Variants in ELAVL2 observed in about 807,000 individuals in gnomAD.
The protein encoded by ELAVL2 is ELAV like RNA binding protein 2, also known as ELAV-like protein 2.
ELAVL2 carries 4 observed loss-of-function variants against 34.6 expected under a neutral mutation model. That is an observed-to-expected ratio of 0.12 (90% CI 0.06 to 0.26). The LOEUF (loss-of-function observed/expected upper bound fraction) is 0.26, where lower values mean the gene tolerates loss of function less well. ELAVL2 is among the 10% of genes least tolerant of loss of function. ELAVL2 has a pLI of 1.00. For missense variants in ELAVL2, 432 were observed against 442.8 expected, an observed-to-expected ratio of 0.98 and a Z score of 0.22; for synonymous variants, 193 against 154.8, an observed-to-expected ratio of 1.25 and a Z score of -1.83.
At chr9:23,742,840 T>C (rs2049589745) in intron 2 of ELAVL2, among the ~76,000 whole-genome samples, 2 of 152,118 alleles carry the variant, frequency 1.3e-5, no homozygotes, top group African/African-American at 4.8e-5. Context: ...ATCAAGAGGG[T>C]AGGAGGAACA....
intron 1 of ELAVL2, among the ~76,000 whole-genome samples, chr9:23,802,939 T>C (rs544130081): frequency 1.3e-5 from 2 of 152,114 alleles, no homozygotes; most frequent in South Asian, 2.1e-4. Flanking sequence ...TAATTTCTTA[T>C]ACAGTAAATA....
intron 2 of ELAVL2, among the ~76,000 whole-genome samples, chr9:23,748,746 G>A (rs1284531342): frequency 6.6e-6 from 1 of 152,118 alleles, no homozygotes; most frequent in African/African-American, 2.4e-5. Context: ...ACTTATTTCA[G>A]GGGGAGGGGT....
chr9:23,700,970 T>C (rs1587315472), intron 5 of ELAVL2, among the ~76,000 whole-genome samples: 2 of 152,288 alleles, frequency 1.3e-5, no homozygotes, highest in Non-Finnish European at 2.9e-5. Context: ...ACAGCATTAT[T>C]GGTGCTTTGG....
chr9:23,795,676 G>C (rs958409782), intron 1 of ELAVL2, among the ~76,000 whole-genome samples: 1 of 152,140 alleles, frequency 6.6e-6, no homozygotes, highest in Admixed American at 6.5e-5. Context: ...CTCTTACAGA[G>C]AAGAAATTTT....
At chr9:23,707,667 T>A (rs1266833826) in intron 3 of ELAVL2, among the ~76,000 whole-genome samples, 3 of 152,226 alleles carry the variant, frequency 2.0e-5, no homozygotes, top group Admixed American at 2.0e-4. Flanking sequence ...CATAACCAGT[T>A]CTGTGAACTT....
intron 1 of ELAVL2, among the ~76,000 whole-genome samples, chr9:23,825,175 C>G (rs963220431): frequency 6.6e-6 from 1 of 152,146 alleles, no homozygotes; most frequent in Non-Finnish European, 1.5e-5. Flanking sequence ...AATCAGAGCC[C>G]GCATACAATG....
chr9:23,806,244 G>A (rs567357171), intron 1 of ELAVL2, among the ~76,000 whole-genome samples: 72 of 151,608 alleles, frequency 4.7e-4, no homozygotes, highest in African/African-American at 1.5e-3. Context: ...TACCAAGGCC[G>A]AATACACAAT....
rs55963823 is a variant in ELAVL2, at chr9:23,707,520, C to T, written c.334-2449G>A. ...GGCATCTACACATTCTCCAAGGAGGCTAACTTCCAATGACTGATCAAGCAA... is the reference window on the plus strand; with the variant it reads ...GGCATCTACACATTCTCCAAGGAGGTTAACTTCCAATGACTGATCAAGCAA... On this transcript the variant is annotated intron_variant, in intron 3 of 6. Transcript: ENST00000397312. 4.0e-3 allele frequency among the ~76,000 whole-genome samples: 613 copies of T among 152,218 alleles called. 8 individuals carry two copies. The highest frequency in any genetic ancestry group is 0.013 in the African/African-American group (547 of 41,538).
intron 4 of ELAVL2, 63 bp from the exon 5 acceptor site, chr9:23,701,667 G>T: frequency 2.0e-6 from 3 of 1,517,202 alleles, no homozygotes; most frequent in Non-Finnish European, 2.7e-6. Context: ...AAGGAGAGAA[G>T]AAAGGACACA....
At chr9:23,819,933 C>T (rs573016632) in intron 1 of ELAVL2, among the ~76,000 whole-genome samples, 9 of 152,292 alleles carry the variant, frequency 5.9e-5, no homozygotes, top group Admixed American at 3.3e-4. Flanking sequence ...AGTGTTGTTA[C>T]CTTAGCATCC....
rs2135779511 is a variant in ELAVL2, at chr9:23,756,054, T to C, written c.229+5952A>G. ...TCTAATAAAATACCACTTATCTGTT[T>C]CAATCCTGAGGAGCTAAGATTGTAT... On this transcript the variant is annotated intron_variant, in intron 2 of 6. Transcript: ENST00000397312. Among the ~76,000 whole-genome samples, 2 of 152,270 alleles carry C rather than the reference T, an allele frequency of 1.3e-5. 1 individual carries two copies. Among genetic ancestry groups the C allele is most frequent in the Middle Eastern group, 6.8e-3 (2 of 294 alleles).
intron 1 of ELAVL2, among the ~76,000 whole-genome samples, chr9:23,788,753 G>T (rs750528664): frequency 6.6e-6 from 1 of 152,166 alleles, no homozygotes; most frequent in Non-Finnish European, 1.5e-5. Context: ...CACGAGCAGT[G>T]CAATACCTCG....
the ELAVL2 span, among the ~76,000 whole-genome samples, chr9:23,850,519 T>A: frequency 6.6e-6 from 1 of 151,608 alleles, no homozygotes; most frequent in Non-Finnish European, 1.5e-5. Flanking sequence ...TAGCCCCGGC[T>A]GGGTGCACCT....
intron 1 of ELAVL2, among the ~76,000 whole-genome samples, chr9:23,785,464 C>G (rs1456576521): frequency 1.3e-5 from 2 of 152,182 alleles, no homozygotes; most frequent in Non-Finnish European, 2.9e-5. Flanking sequence ...GTTATCACAG[C>G]TGCACCTACA....
At chr9:23,735,863 G>A (rs1287027699) in intron 2 of ELAVL2, among the ~76,000 whole-genome samples, 2 of 152,136 alleles carry the variant, frequency 1.3e-5, no homozygotes, top group Non-Finnish European at 2.9e-5. Flanking sequence ...AAAGACTACT[G>A]AGAGCAGGGT....
intron 1 of ELAVL2, among the ~76,000 whole-genome samples, chr9:23,777,490 A>G (rs1189675166): frequency 6.6e-6 from 1 of 152,168 alleles, no homozygotes; most frequent in Non-Finnish European, 1.5e-5. Context: ...GCCCCACCCA[A>G]GCATGCTTTT....
intron 1 of ELAVL2, among the ~76,000 whole-genome samples, chr9:23,766,666 A>G (rs1224641503): frequency 1.3e-5 from 2 of 152,004 alleles, no homozygotes; most frequent in Non-Finnish European, 2.9e-5. Flanking sequence ...TTTACATTTC[A>G]AGCACCCCAG....
At chr9:23,744,287 T>C (rs1479577951) in intron 2 of ELAVL2, among the ~76,000 whole-genome samples, 1 of 152,218 alleles carries the variant, frequency 6.6e-6, no homozygotes, top group African/African-American at 2.4e-5. Context: ...TAGAATGCCA[T>C]ACAAAATGTT....
chr9:23,793,746 T>C (rs1248686781), intron 1 of ELAVL2, among the ~76,000 whole-genome samples: 1 of 152,194 alleles, frequency 6.6e-6, no homozygotes, highest in African/African-American at 2.4e-5. Flanking sequence ...TCTTGATTTT[T>C]ACATGCCCCC....
Sources: gnomAD v4.1 joint callset for allele counts (sites outside exome capture counted in the v4.1 genomes callset) on GRCh38, gnomAD v4.1.1 for gene constraint, MANE v1.5 for transcripts, NCBI Gene and HGNC (gene_info 2026-07-23, HGNC 2026-07-21) for gene names.